The following CCPG1 variants were observed in gnomAD, a reference collection of about 807,000 sequenced individuals.
CCPG1 encodes cell cycle progression 1, also known as cell cycle progression protein 1.
CCPG1 carries 46 observed loss-of-function variants against 81.3 expected under a neutral mutation model. The ratio of observed to expected loss-of-function variants is 0.57; its 90% CI spans 0.45 to 0.72. The LOEUF is 0.72. Ranked by LOEUF, CCPG1 falls within the 30% of genes least tolerant of loss-of-function variation. CCPG1 has a pLI of 0.00. For missense variants in CCPG1, 902 were observed against 937.6 expected, an observed-to-expected ratio of 0.96 and a Z score of 0.50; for synonymous variants, 330 against 305.2, an observed-to-expected ratio of 1.08 and a Z score of -0.85.
At chr15:55,379,470 T>C (rs2141287087) in intron 3 of CCPG1, among the ~76,000 whole-genome samples, 1 of 152,134 alleles carries the variant, frequency 6.6e-6, no homozygotes, top group South Asian at 2.1e-4. Context: ...GAGGCTGCAG[T>C]GAGCCATGAT....
chr15:55,365,049 C>T, intron 7 of CCPG1, 139 bp downstream of exon 7: 1 of 577,160 alleles, frequency 1.7e-6, no homozygotes. Context: ...GACTAGGACA[C>T]ACTAAATACC....
intron 7 of CCPG1, among the ~76,000 whole-genome samples, chr15:55,364,088 G>A (rs587049): frequency 0.017 from 2,501 of 150,254 alleles, 96 homozygotes; most frequent in African/African-American, 0.057. Context: ...TGGGAATTTG[G>A]GAGGTTGCCA....
intron 2 of CCPG1, among the ~76,000 whole-genome samples, chr15:55,388,650 A>G (rs191378698): frequency 9.7e-4 from 148 of 152,314 alleles, no homozygotes; most frequent in Non-Finnish European, 1.6e-3. Context: ...CTATAGTCCC[A>G]GCTACTTGGG....
intron 3 of CCPG1, among the ~76,000 whole-genome samples, chr15:55,380,148 AATAAT>A (rs1425107159): frequency 6.6e-6 from 1 of 151,804 alleles, no homozygotes; most frequent in Non-Finnish European, 1.5e-5. Context: ...AAAAGTTAAA[AATAAT>A]ATAACATATA....
rs934849328 is a variant in CCPG1, at chr15:55,360,031, T to C, written c.1742A>G (p.His581Arg). 6.8e-6 allele frequency: 11 copies of C among 1,613,546 alleles called. No individual in the cohort carries two copies. The highest frequency in any genetic ancestry group is 1.3e-5 in the African/African-American group (1 of 74,912). Residue 581 changes from histidine (H) to arginine (R), a missense_variant, in exon 8 of 9, where the codon CAT becomes CGT. Coordinates refer to ENST00000442196, the MANE Select transcript of CCPG1 (RefSeq NM_001204450.2). ...TTGCATAGTAGGGCCTCTATTATGA[T>C]GGTTTTCTGTAGGTGCCTTATACTG... ...HPQYKAPTENHHNRGPTMQND... is the reference protein window; with the variant it reads ...HPQYKAPTENRHNRGPTMQND...
intron 2 of CCPG1, among the ~76,000 whole-genome samples, chr15:55,387,545 A>AT (rs541832616): frequency 1.9e-4 from 29 of 150,138 alleles, no homozygotes; most frequent in Non-Finnish European, 2.2e-4. Context: ...AAATTTTTTA[A>AT]TTTTTTTTTT....
At chr15:55,394,279 C>T (rs555750434) in intron 1 of CCPG1, among the ~76,000 whole-genome samples, 1 of 152,286 alleles carries the variant, frequency 6.6e-6, no homozygotes, top group East Asian at 1.9e-4. Context: ...AGCCACTGTA[C>T]ACAGCCTAAA....
At chr15:55,375,532 T>A (rs2056547376) in intron 5 of CCPG1, among the ~76,000 whole-genome samples, 1 of 152,176 alleles carries the variant, frequency 6.6e-6, no homozygotes. Context: ...TGAATGCTAT[T>A]CTAACAAAGC....
intron 5 of CCPG1, among the ~76,000 whole-genome samples, chr15:55,374,588 T>C (rs1210833255): frequency 6.6e-6 from 1 of 152,134 alleles, no homozygotes; most frequent in East Asian, 1.9e-4. Flanking sequence ...AATTAAGCAA[T>C]GGCTAGCACA....
rs2056157594 is a variant in CCPG1 at position 55,359,972 on chromosome 15, TAA to T, written c.1799_1800del (p.Phe600Ter). Reference protein sequence around the residue: ...NDGRKEKPVHFKEFRKNTNSK... With the variant: ...NDGRKEKPVHXKEFRKNTNSK... ...GAATTTGTATTTTTTCTGAATTCTT[TAA>T]AGTGAACTGGCTTTTCTTTCCTTCC... On this transcript the variant is annotated frameshift_variant, in exon 8 of 9. Coordinates refer to ENST00000442196, the MANE Select transcript of CCPG1 (RefSeq NM_001204450.2). LOFTEE classifies it high-confidence loss of function. 11 of 1,613,134 alleles carry T rather than the reference TAA, an allele frequency of 6.8e-6. No individual in the cohort carries two copies. Among genetic ancestry groups the T allele is most frequent in the Non-Finnish European group, 9.3e-6 (11 of 1,179,804 alleles).
intron 1 of CCPG1, among the ~76,000 whole-genome samples, chr15:55,393,060 C>T (rs1362799661): frequency 2.0e-5 from 3 of 152,132 alleles, no homozygotes; most frequent in Admixed American, 1.3e-4. Flanking sequence ...GCCAAGATGG[C>T]GCCATTGCAC....
intron 5 of CCPG1, chr15:55,372,851 G>A (rs891170282): frequency 2.1e-4 from 99 of 473,032 alleles, no homozygotes; most frequent in African/African-American, 1.7e-3. Flanking sequence ...TTCCTTGGGT[G>A]TATCTGGTCT....
rs60412539 is a variant in CCPG1 at position 55,391,316 on chromosome 15, A to C, written c.-9-1883T>G. Among the ~76,000 whole-genome samples the C allele has an allele frequency of 3.2e-3, 494 of 152,268 alleles. 1 individual carries two copies. Among genetic ancestry groups the C allele is most frequent in the African/African-American group, 0.011 (465 of 41,550 alleles). On this transcript the variant is annotated intron_variant, in intron 1 of 8. Coordinates refer to ENST00000442196, the MANE Select transcript of CCPG1 (RefSeq NM_001204450.2). ...TTTTTTGTAGAGACAACGTTTGGCC[A>C]TGTTGGCCAGGCTGGTCTGGAAGGC...
In CCPG1 at chr15:55,359,736, C is replaced by T; in HGVS notation, c.2037G>A (p.Gln679=). 3 of 1,613,524 alleles carry T rather than the reference C, an allele frequency of 1.9e-6. No homozygotes were observed. The highest frequency in any genetic ancestry group is 2.5e-6 in the Non-Finnish European group (3 of 1,179,884). The change falls in exon 8 of 9, where the codon CAG becomes CAA. Residue 679 remains glutamine, a synonymous_variant. Coordinates refer to ENST00000442196, the MANE Select transcript of CCPG1 (RefSeq NM_001204450.2). ...CGTTTAGGAAAAACTTATTGATGAA[C>T]TGATCAAGTTCGTTCCAGTGACAAA... is the stretch of plus-strand genomic sequence containing the variant. ...DTFCHWNELD[Q]FINKFFLNGV... is the part of the protein sequence containing the mutation.
At chr15:55,407,592 A>C (rs2057261865) in intron 1 of CCPG1, among the ~76,000 whole-genome samples, 1 of 152,158 alleles carries the variant, frequency 6.6e-6, no homozygotes, top group South Asian at 2.1e-4. Flanking sequence ...AAACATAAAC[A>C]ACGCGTACAA....
intron 1 of CCPG1, among the ~76,000 whole-genome samples, chr15:55,398,891 T>C (rs192473762): frequency 6.6e-6 from 1 of 152,300 alleles, no homozygotes; most frequent in African/African-American, 2.4e-5. Flanking sequence ...GAAAACTTTT[T>C]TGAAGGCTAC....
At chr15:55,386,159 G>A (rs926104755) in intron 2 of CCPG1, among the ~76,000 whole-genome samples, 3 of 149,128 alleles carry the variant, frequency 2.0e-5, no homozygotes, top group Admixed American at 6.7e-5. Flanking sequence ...GGAGGCTGAG[G>A]CCGGTGGATC....
chr15:55,360,104 C>T lies in CCPG1; in HGVS notation c.1669G>A (p.Glu557Lys). The T allele has an allele frequency of 6.2e-7, 1 of 1,613,716 alleles. No individual in the cohort carries two copies. The part of the protein sequence containing the change: ...KGNKRFGATK[E>K]AAEKPRTVFS... ...ACTGTTCTTGGTTTTTCAGCTGCTT[C>T]TTTTGTAGCACCAAATCTTTTATTA... Residue 557 changes from glutamate to lysine, a missense_variant, in exon 8 of 9, where the codon GAA becomes AAA. Physicochemically the swap from Glu to Lys is moderately conservative, Grantham distance 56. Around this residue, in one of 3 missense-constraint regions of CCPG1, gnomAD observed 746 missense variants for 728.6 expected, o/e 1.02. Transcript: ENST00000442196.
chr15:55,367,460 C>A (rs1437734512), intron 6 of CCPG1, among the ~76,000 whole-genome samples: 1 of 152,114 alleles, frequency 6.6e-6, no homozygotes, highest in African/African-American at 2.4e-5. Context: ...CAATCTTTGG[C>A]CTAGTCATGT....
Sources: allele counts gnomAD v4.1 joint callset (sites outside exome capture counted in the v4.1 genomes callset), GRCh38; gene constraint gnomAD v4.1.1; regional missense constraint gnomAD v4.1.1; transcripts MANE v1.5; gene names NCBI Gene and HGNC (gene_info 2026-07-23, HGNC 2026-07-21).